The following BZW2 variants were observed in gnomAD, a reference collection of about 807,000 sequenced individuals.
The protein encoded by BZW2 is basic leucine zipper and W2 domains 2.
BZW2 carries 23 observed loss-of-function variants against 53.2 expected under a neutral mutation model. The ratio of observed to expected loss-of-function variants is 0.43; its 90% confidence interval spans 0.31 to 0.61. The LOEUF is 0.61. BZW2 is among the 20% of genes least tolerant of loss of function. BZW2 has a pLI of 0.09. For synonymous variants in BZW2, 227 were observed against 186.4 expected (o/e 1.22, Z -1.77); for missense variants, 409 against 503.1 (o/e 0.81, Z 1.79).
chr7:16,678,586 CCT>C (rs1413699581), intron 3 of BZW2, among the ~76,000 whole-genome samples: 1 of 152,066 alleles, frequency 6.6e-6, no homozygotes, highest in Non-Finnish European at 1.5e-5. Flanking sequence ...AAAAAACATA[CCT>C]CTCAAAAGTC....
At position 16,685,876 on chromosome 7, in the gene BZW2, CTTTTTTTTTT is replaced by C. The variant is rs34699573; in HGVS notation, c.406-19_406-10del. On this transcript the variant is annotated intron_variant, in intron 5 of 11. Coordinates refer to ENST00000258761, the MANE Select transcript of BZW2 (RefSeq NM_014038.3). ...TTCCTTTTTTTTTCTTTTTCTTTTT[CTTTTTTTTTT>C]TTTTTTTTTGACCCACAGCTTCTCC... 3 of 1,293,574 alleles carry C rather than the reference CTTTTTTTTTT, an allele frequency of 2.3e-6. No individual in the cohort carries two copies. The highest frequency in any genetic ancestry group is 3.0e-6 in the Non-Finnish European group (3 of 1,008,354). 80.1% of individuals were successfully genotyped at this position (1,293,574 alleles called of 1,614,324 possible). A position where few individuals can be genotyped will look rare whatever the true frequency, so the allele number is the denominator to read the frequency against.
chr7:16,667,299 A>T (rs1213155898), intron 2 of BZW2, among the ~76,000 whole-genome samples: 1 of 152,044 alleles, frequency 6.6e-6, no homozygotes, highest in Non-Finnish European at 1.5e-5. Context: ...AAAACAAAAA[A>T]AAAAACGCTG....
Position 16,664,402 on chromosome 7 carries a change from C to T in BZW2, c.-7-1035C>T, listed in dbSNP as rs534945630. Among the ~76,000 whole-genome samples, 17 of 152,306 alleles carry T rather than the reference C, an allele frequency of 1.1e-4. No homozygotes were observed. In the Middle Eastern group the frequency reaches 0.014, roughly 122 times the overall value. On this transcript the variant is annotated intron_variant, in intron 1 of 11. Transcript: ENST00000258761. The stretch of plus-strand genomic sequence containing the variant: ...GATGGTCAGAGAAGACCTCCATTTT[C>T]AGGGAGGCATTTGAATGATTGCAAG...
At chr7:16,672,657 A>G (rs1782639569) in intron 2 of BZW2, among the ~76,000 whole-genome samples, 1 of 152,142 alleles carries the variant, frequency 6.6e-6, no homozygotes, top group Non-Finnish European at 1.5e-5. Context: ...TTTGAGTTGA[A>G]CTACAGACCC....
In BZW2 at chr7:16,685,947, A is replaced by G; in HGVS notation, c.448A>G (p.Lys150Glu). The G allele has an allele frequency of 1.9e-6, 3 of 1,570,126 alleles. No individual in the cohort carries two copies. The highest frequency in any genetic ancestry group is 2.6e-6 in the Non-Finnish European group (3 of 1,157,576). ...AGCCTTTTCCGAAACAGAGCAGACA[A>G]AGTTGGCGATGCTGTCGGGGATTCT... ...LKAFSETEQT[K>E]LAMLSGILLG... is the part of the protein sequence containing the mutation. The change falls in exon 6 of 12, where the codon AAG becomes GAG. Residue 150 changes from lysine to glutamate, a missense_variant. Physicochemically the swap from Lys to Glu is moderately conservative, Grantham distance 56. This residue lies in a region of BZW2 where 316 missense variants were observed against 366.8 expected (regional missense o/e 0.86). Transcript: ENST00000258761.
At chr7:16,665,576 T>A in intron 2 of BZW2, 75 bp downstream of exon 2, 1 of 1,566,456 alleles carries the variant, frequency 6.4e-7, no homozygotes, top group Non-Finnish European at 8.7e-7. Flanking sequence ...ATCTGAATGA[T>A]CCCTGTTTCC....
intron 7 of BZW2, 23 bp downstream of exon 7, chr7:16,689,929 G>GC: frequency 6.3e-7 from 1 of 1,582,598 alleles, no homozygotes; most frequent in Non-Finnish European, 8.6e-7. Flanking sequence ...TGGTTAAAGA[G>GC]TTGTATGTAT....
intron 8 of BZW2, 144 bp downstream of exon 8, chr7:16,695,148 C>G: frequency 1.3e-6 from 1 of 742,614 alleles, no homozygotes; most frequent in African/African-American, 1.8e-5. Flanking sequence ...TTTAAATTAA[C>G]TCAGCTTCAA....
intron 11 of BZW2, among the ~76,000 whole-genome samples, chr7:16,705,696 A>T (rs1423343339): frequency 6.7e-6 from 1 of 150,072 alleles, no homozygotes; most frequent in Non-Finnish European, 1.5e-5. Flanking sequence ...AAAAAAAAAA[A>T]AAAAAAGAAT....
intron 5 of BZW2, among the ~76,000 whole-genome samples, chr7:16,683,930 T>C (rs1783035242): frequency 2.0e-5 from 3 of 151,872 alleles, no homozygotes; most frequent in African/African-American, 7.3e-5. Context: ...TGAAGAGCAA[T>C]TTGGCAATAG....
intron 2 of BZW2, among the ~76,000 whole-genome samples, chr7:16,671,927 T>G (rs1782612856): frequency 1.9e-5 from 1 of 52,138 alleles, no homozygotes; most frequent in African/African-American, 2.0e-4. Flanking sequence ...TGAGACCCTG[T>G]TTCAAAAAAA....
chr7:16,670,428 C>A (rs1782565884), intron 2 of BZW2, among the ~76,000 whole-genome samples: 1 of 152,204 alleles, frequency 6.6e-6, no homozygotes, highest in Non-Finnish European at 1.5e-5. Flanking sequence ...ATTTTCAAAT[C>A]ATCAAAATCT....
intron 1 of BZW2, among the ~76,000 whole-genome samples, chr7:16,656,137 CTA>C (rs1554264390): frequency 3.5e-5 from 5 of 141,400 alleles, no homozygotes; most frequent in Non-Finnish European, 3.0e-5. Context: ...ATATAAATGA[CTA>C]TATATATATA....
chr7:16,677,506 C>T (rs1393114468), intron 3 of BZW2, among the ~76,000 whole-genome samples: 2 of 152,140 alleles, frequency 1.3e-5, no homozygotes, highest in African/African-American at 4.8e-5. Flanking sequence ...GTTGAGATTT[C>T]CTCGGGAGGG....
intron 1 of BZW2, among the ~76,000 whole-genome samples, chr7:16,665,062 A>G (rs1782380423): frequency 6.6e-6 from 1 of 152,186 alleles, no homozygotes; most frequent in Admixed American, 6.5e-5. Flanking sequence ...CTGTAATCCC[A>G]ACAGTTTGTG....
At chr7:16,647,105 T>C (rs1781887890) in intron 1 of BZW2, among the ~76,000 whole-genome samples, 1 of 152,168 alleles carries the variant, frequency 6.6e-6, no homozygotes, top group African/African-American at 2.4e-5. Flanking sequence ...TGGGGGTAAA[T>C]ACAAGTGTGT....
intron 2 of BZW2, among the ~76,000 whole-genome samples, chr7:16,666,426 C>T (rs113672730): frequency 0.016 from 1,325 of 81,854 alleles, 13 homozygotes; most frequent in African/African-American, 0.073. Flanking sequence ...TATTTAGAGA[C>T]GGAGTCTTGC....
At chr7:16,651,318 C>T (rs1562473324) in intron 1 of BZW2, among the ~76,000 whole-genome samples, 3 of 152,230 alleles carry the variant, frequency 2.0e-5, no homozygotes, top group East Asian at 1.9e-4. Flanking sequence ...AGCCCTGGGG[C>T]AGAGATGAAT....
At chr7:16,665,762 A>G (rs1396406747) in intron 2 of BZW2, among the ~76,000 whole-genome samples, 9 of 152,224 alleles carry the variant, frequency 5.9e-5, no homozygotes, top group African/African-American at 2.2e-4. Flanking sequence ...GGAGGTTATG[A>G]AGGCAATTGA....
Sources: gnomAD v4.1 joint callset for allele counts (sites outside exome capture counted in the v4.1 genomes callset) on GRCh38, gnomAD v4.1.1 for gene constraint, gnomAD v4.1.1 regional missense constraint, MANE v1.5 for transcripts, NCBI Gene and HGNC (gene_info 2026-07-23, HGNC 2026-07-21) for gene names.